VWA8: variants seen among roughly 807,000 people sequenced by gnomAD.
The protein encoded by VWA8 is von Willebrand factor A domain-containing protein 8.
VWA8 carries 221 observed loss-of-function variants against 241.5 expected under a neutral mutation model. The observed-to-expected ratio is 0.91, with a 90% CI of 0.82 to 1.02. VWA8 has a LOEUF of 1.02. VWA8 is among the 50% of genes least tolerant of loss of function. The pLI, the probability that VWA8 is intolerant of heterozygous loss-of-function variation, is 0.00. For synonymous variants in VWA8, 852 were observed against 827.1 expected (o/e 1.03, Z -0.52); for missense variants, 2,322 against 2,328.7 (o/e 1.00, Z 0.06).
intron 3 of VWA8, among the ~76,000 whole-genome samples, chr13:41,910,772 A>C (rs1197187045): frequency 6.6e-6 from 1 of 152,168 alleles, no homozygotes; most frequent in African/African-American, 2.4e-5. Context: ...AGCTAGTGCG[A>C]GTTAGGCTCT....
chr13:41,837,308 C>G (rs9532933), intron 12 of VWA8, among the ~76,000 whole-genome samples: 1 of 152,168 alleles, frequency 6.6e-6, no homozygotes, highest in Non-Finnish European at 1.5e-5. Flanking sequence ...TAATTAACAA[C>G]TTCTATTGAA....
At chr13:41,600,388 G>A (rs1384417312) in intron 40 of VWA8, among the ~76,000 whole-genome samples, 3 of 152,068 alleles carry the variant, frequency 2.0e-5, no homozygotes, top group Non-Finnish European at 4.4e-5. Context: ...TGAGTGATGA[G>A]CCATTCATGA....
chr13:41,637,178 G>A (rs2044763665), intron 37 of VWA8, among the ~76,000 whole-genome samples: 1 of 151,494 alleles, frequency 6.6e-6, no homozygotes, highest in Non-Finnish European at 1.5e-5. Flanking sequence ...GTCCAACAAC[G>A]ATAGACTGGA....
chr13:41,776,961 G>GA (rs1397124766), intron 20 of VWA8, among the ~76,000 whole-genome samples: 2 of 152,004 alleles, frequency 1.3e-5, no homozygotes, highest in African/African-American at 4.8e-5. Context: ...CAAAAAAGAA[G>GA]AAAAAATAGA....
chr13:41,835,027 A>C (rs1469844233), intron 12 of VWA8, among the ~76,000 whole-genome samples: 2 of 152,230 alleles, frequency 1.3e-5, no homozygotes, highest in African/African-American at 4.8e-5. Flanking sequence ...TGGAAGTTGA[A>C]TGATGAGAAC....
At chr13:41,895,780 A>C (rs1482493175) in intron 4 of VWA8, among the ~76,000 whole-genome samples, 1 of 151,656 alleles carries the variant, frequency 6.6e-6, no homozygotes, top group East Asian at 1.9e-4. Flanking sequence ...TTTTCAAGAT[A>C]TAACAAACTT....
chr13:41,829,569 GCA>G (rs879895316), intron 14 of VWA8, among the ~76,000 whole-genome samples: 57 of 65,186 alleles, frequency 8.7e-4, no homozygotes, highest in African/African-American at 1.8e-3. Flanking sequence ...ACACACACAT[GCA>G]CACACACACA....
At chr13:41,675,466 GGAA>G (rs1593689988) in intron 35 of VWA8, among the ~76,000 whole-genome samples, 170 bp from the exon 36 acceptor site, 1 of 152,028 alleles carries the variant, frequency 6.6e-6, no homozygotes, top group East Asian at 1.9e-4. Flanking sequence ...CTTCCCTCAG[GGAA>G]GCATATTGGG....
At chr13:41,729,414 C>T (rs1044488686) in intron 23 of VWA8, 128 bp downstream of exon 23, 6 of 885,304 alleles carry the variant, frequency 6.8e-6, no homozygotes, top group Non-Finnish European at 9.6e-6. Context: ...ATTGTCAATA[C>T]AGGCAACTTA....
At chr13:41,809,058 G>A (rs1222312509) in intron 17 of VWA8, among the ~76,000 whole-genome samples, 1 of 151,706 alleles carries the variant, frequency 6.6e-6, no homozygotes, top group Non-Finnish European at 1.5e-5. Flanking sequence ...ACCAAAGAAG[G>A]GAAAGACCCC....
intron 26 of VWA8, among the ~76,000 whole-genome samples, chr13:41,718,685 A>T (rs2045362357): frequency 1.3e-5 from 2 of 151,266 alleles, no homozygotes; most frequent in African/African-American, 2.4e-5. Context: ...GGATGAGTAT[A>T]CACTTTGGAG....
At chr13:41,702,269 C>T (rs568288941) in intron 27 of VWA8, among the ~76,000 whole-genome samples, 2 of 152,192 alleles carry the variant, frequency 1.3e-5, no homozygotes, top group Non-Finnish European at 2.9e-5. Context: ...CATCCATGTC[C>T]CCCGCCCACC....
chr13:41,811,444 C>A (rs1870468126), intron 16 of VWA8, 104 bp from the exon 17 acceptor site: 3 of 767,416 alleles, frequency 3.9e-6, no homozygotes, highest in South Asian at 2.8e-5. Context: ...AGGGGTAAGG[C>A]CAAACTTAAA....
At chr13:41,602,730 G>A (rs2044529513) in intron 40 of VWA8, among the ~76,000 whole-genome samples, 1 of 152,066 alleles carries the variant, frequency 6.6e-6, no homozygotes, top group Non-Finnish European at 1.5e-5. Context: ...CTAACATACT[G>A]GTATCTGTCA....
At chr13:41,595,147 C>T (rs2139650231) in intron 40 of VWA8, among the ~76,000 whole-genome samples, 1 of 152,306 alleles carries the variant, frequency 6.6e-6, no homozygotes, top group Middle Eastern at 3.4e-3. Flanking sequence ...TTAAGCAAAA[C>T]ATGTAACTCT....
At chr13:41,750,528 A>T (rs1031128054) in intron 21 of VWA8, among the ~76,000 whole-genome samples, 1 of 152,026 alleles carries the variant, frequency 6.6e-6, no homozygotes, top group Non-Finnish European at 1.5e-5. Context: ...TTTGATTCAC[A>T]GGAGGCCAAA....
chr13:41,886,024 A>G lies in VWA8; in HGVS notation c.871T>C (p.Ser291Pro). The G allele has an allele frequency of 6.3e-7, 1 of 1,584,528 alleles. No individual in the cohort carries two copies. The highest frequency in any genetic ancestry group is 8.6e-7 in the Non-Finnish European group (1 of 1,167,940). Residue 291 changes from serine to proline, a missense_variant, in exon 8 of 45, where the codon TCT becomes CCT. Transcript: ENST00000379310. ...IGANVSAEKV[S>P]QLLSFATTLC... ...GTTGTGGCAAAGGACAAGAGCTGAG[A>G]AACTCTAAGGGAAAAATGATATTAA... is the stretch of plus-strand genomic sequence containing the variant.
At chr13:41,620,824 G>A (rs951147432) in intron 37 of VWA8, among the ~76,000 whole-genome samples, 4 of 152,148 alleles carry the variant, frequency 2.6e-5, no homozygotes, top group Non-Finnish European at 5.9e-5. Flanking sequence ...GAATTCTGGT[G>A]GAAGCTATTT....
At chr13:41,768,348 T>TACA (rs1233889844) in intron 20 of VWA8, among the ~76,000 whole-genome samples, 3 of 152,244 alleles carry the variant, frequency 2.0e-5, no homozygotes, top group Non-Finnish European at 2.9e-5. Context: ...GCAAAATTCA[T>TACA]ACATTCTTTA....
Sources: allele counts gnomAD v4.1 joint callset (sites outside exome capture counted in the v4.1 genomes callset), GRCh38; gene constraint gnomAD v4.1.1; transcripts MANE v1.5; gene names NCBI Gene and HGNC (gene_info 2026-07-23, HGNC 2026-07-21).